Variants in NAALADL2 observed in about 807,000 individuals in gnomAD.
The protein encoded by NAALADL2 is N-acetylated alpha-linked acidic dipeptidase like 2.
In NAALADL2, 76 loss-of-function variants were observed where a neutral mutation model predicts 87.2. That is an observed-to-expected ratio of 0.87 (90% CI 0.72 to 1.05). The LOEUF (loss-of-function observed/expected upper bound fraction) is 1.05, where lower values mean the gene tolerates loss of function less well. Ranked by LOEUF, NAALADL2 falls within the 50% of genes least tolerant of loss-of-function variation. The pLI is 0.00. For missense variants in NAALADL2, 1,089 were observed against 945.8 expected, an observed-to-expected ratio of 1.15 and a Z score of -1.99; for synonymous variants, 354 against 331.0, an observed-to-expected ratio of 1.07 and a Z score of -0.75.
chr3:174,800,794 A>T (rs1258786630), intron 3 of NAALADL2, among the ~76,000 whole-genome samples: 1 of 152,208 alleles, frequency 6.6e-6, no homozygotes, highest in Non-Finnish European at 1.5e-5. Flanking sequence ...GCCCAAGACC[A>T]TGGGAAGCCA....
At position 175,627,374 on chromosome 3, in the gene NAALADL2, A is replaced by G; in HGVS notation, c.1884A>G (p.Glu628=). 1.3e-6 allele frequency: 2 copies of G among 1,553,442 alleles called. No homozygotes were observed. Among genetic ancestry groups the G allele is most frequent in the Non-Finnish European group, 1.7e-6 (2 of 1,144,920 alleles). The change falls in exon 11 of 14, where the codon GAA becomes GAG. Residue 628 remains glutamate (E), a synonymous_variant. Coordinates refer to ENST00000454872, the MANE Select transcript of NAALADL2 (RefSeq NM_207015.3). ...TGGATCCCTCTTTCAACCTTCATGA[A>G]ACCATTACTAAGGTAGGGGAGAAAT... ...EEMDPSFNLH[E]TITKLSGEVI...
chr3:175,487,123 C>T (rs1727391321), intron 9 of NAALADL2, among the ~76,000 whole-genome samples: 1 of 152,154 alleles, frequency 6.6e-6, no homozygotes, highest in African/African-American at 2.4e-5. Context: ...CAAAACCTGG[C>T]CTTCTTACTT....
chr3:175,548,487 C>T (rs1713770418), intron 9 of NAALADL2, among the ~76,000 whole-genome samples: 1 of 151,996 alleles, frequency 6.6e-6, no homozygotes, highest in African/African-American at 2.4e-5. Flanking sequence ...ATAATCTGTA[C>T]AGCAAACCAC....
intron 1 of NAALADL2, among the ~76,000 whole-genome samples, chr3:174,911,947 T>C (rs1331428536): frequency 6.6e-6 from 1 of 152,148 alleles, no homozygotes; most frequent in Non-Finnish European, 1.5e-5. Flanking sequence ...CTTATAGCTG[T>C]CTTCCACTAG....
intron 13 of NAALADL2, among the ~76,000 whole-genome samples, chr3:175,779,852 T>C (rs1750773744): frequency 6.6e-6 from 1 of 152,218 alleles, no homozygotes; most frequent in Non-Finnish European, 1.5e-5. Context: ...TACATTTGTT[T>C]AGTGTGGAAT....
chr3:174,861,186 G>T (rs1016389467), intron 1 of NAALADL2, among the ~76,000 whole-genome samples: 3 of 152,014 alleles, frequency 2.0e-5, no homozygotes, highest in African/African-American at 7.2e-5. Flanking sequence ...TGGTAGGTCT[G>T]TAAATATTTC....
chr3:175,649,445 T>A (rs966389661), intron 11 of NAALADL2, among the ~76,000 whole-genome samples: 1 of 151,972 alleles, frequency 6.6e-6, no homozygotes, highest in Non-Finnish European at 1.5e-5. Context: ...TGTGTTTTAT[T>A]CTGCTTGGGC....
chr3:175,013,269 A>T (rs1484115985), intron 1 of NAALADL2, among the ~76,000 whole-genome samples: 4 of 90,116 alleles, frequency 4.4e-5, no homozygotes, highest in South Asian at 3.0e-4. Flanking sequence ...ATATATTTTT[A>T]TATATATACA....
chr3:174,459,731 G>A (rs1716075172), intron 1 of NAALADL2: 1 of 152,148 alleles, frequency 6.6e-6, no homozygotes, highest in Non-Finnish European at 1.5e-5. Flanking sequence ...GGATTCAACT[G>A]AAGCTTTACA....
intron 1 of NAALADL2, among the ~76,000 whole-genome samples, chr3:175,025,388 A>G (rs1752099571): frequency 6.6e-6 from 1 of 152,156 alleles, no homozygotes; most frequent in African/African-American, 2.4e-5. Flanking sequence ...ATCATGTACA[A>G]TTCCTTTATC....
At chr3:175,413,047 C>G (rs1713880269) in intron 5 of NAALADL2, among the ~76,000 whole-genome samples, 2 of 149,374 alleles carry the variant, frequency 1.3e-5, no homozygotes, top group South Asian at 2.2e-4. Flanking sequence ...GCTTCCCACG[C>G]CCGGTTAATT....
At chr3:175,735,701 C>A (rs144254717) in intron 11 of NAALADL2, among the ~76,000 whole-genome samples, 3 of 152,092 alleles carry the variant, frequency 2.0e-5, no homozygotes, top group African/African-American at 4.8e-5. Context: ...GAAAGACATG[C>A]CCCCATGATT....
intron 1 of NAALADL2, among the ~76,000 whole-genome samples, chr3:174,862,934 T>G (rs889197683): frequency 2.0e-5 from 3 of 152,078 alleles, no homozygotes; most frequent in Non-Finnish European, 2.9e-5. Flanking sequence ...TGGGGGAAGA[T>G]GTTCCAAGTA....
At chr3:175,196,755 T>C (rs1739072801) in intron 2 of NAALADL2, among the ~76,000 whole-genome samples, 1 of 151,970 alleles carries the variant, frequency 6.6e-6, no homozygotes, top group Non-Finnish European at 1.5e-5. Context: ...AGTAATGGCC[T>C]CACAAATTTC....
intron 3 of NAALADL2, among the ~76,000 whole-genome samples, chr3:174,750,133 G>A (rs778379415): frequency 2.6e-5 from 4 of 152,082 alleles, no homozygotes; most frequent in Non-Finnish European, 5.9e-5. Flanking sequence ...GCATCTTTAT[G>A]GACATACATG....
intron 1 of NAALADL2, among the ~76,000 whole-genome samples, chr3:174,454,983 G>T (rs1454797809): frequency 6.6e-6 from 1 of 150,640 alleles, no homozygotes; most frequent in African/African-American, 2.4e-5. Flanking sequence ...ACTAAAATAG[G>T]CCCCTAGCTA....
intron 1 of NAALADL2, among the ~76,000 whole-genome samples, chr3:175,000,837 A>G (rs897521968): frequency 8.3e-4 from 126 of 152,344 alleles, no homozygotes; most frequent in African/African-American, 2.5e-3. Flanking sequence ...CATGAGAGGT[A>G]AATATTATTT....
chr3:175,104,353 A>G (rs943528157), intron 2 of NAALADL2, among the ~76,000 whole-genome samples: 2 of 152,102 alleles, frequency 1.3e-5, no homozygotes, highest in African/African-American at 2.4e-5. Flanking sequence ...CTAATATGAA[A>G]TAGTGGTTTG....
chr3:174,875,028 G>T (rs998028513), intron 1 of NAALADL2, among the ~76,000 whole-genome samples: 3 of 138,470 alleles, frequency 2.2e-5, no homozygotes, highest in African/African-American at 7.9e-5. Context: ...TGGGAGGATT[G>T]TTTGAGCCCA....
Sources: gnomAD v4.1 joint callset for allele counts (sites outside exome capture counted in the v4.1 genomes callset) on GRCh38, gnomAD v4.1.1 for gene constraint, MANE v1.5 for transcripts, NCBI Gene and HGNC (gene_info 2026-07-23, HGNC 2026-07-21) for gene names.